FBXL7: variants seen among roughly 807,000 people sequenced by gnomAD.
The protein encoded by FBXL7 is F-box/LRR-repeat protein 7.
In FBXL7, 12 loss-of-function variants were observed where a neutral mutation model predicts 38.3. The ratio of observed to expected loss-of-function variants is 0.31; its 90% CI spans 0.20 to 0.51. FBXL7 has a LOEUF of 0.51. FBXL7 is among the 20% of genes least tolerant of loss of function. FBXL7 has a pLI of 0.98. For missense variants in FBXL7, 567 were observed against 676.4 expected, an observed-to-expected ratio of 0.84 and a Z score of 1.79; for synonymous variants, 297 against 300.9, an observed-to-expected ratio of 0.99 and a Z score of 0.13.
chr5:15,704,126 G>C (rs1024104586), intron 2 of FBXL7, among the ~76,000 whole-genome samples: 8 of 152,192 alleles, frequency 5.3e-5, no homozygotes, highest in Non-Finnish European at 1.0e-4. Context: ...GTGCTGAGAA[G>C]GAGGAGGGTG....
In FBXL7 at chr5:15,938,873, G is replaced by T. The variant is rs1212959867; in HGVS notation, c.*1687G>T. 5.0e-6 allele frequency: 2 copies of T among 397,584 alleles called. No homozygotes were observed. Among genetic ancestry groups the T allele is most frequent in the African/African-American group, 4.1e-5 (2 of 48,574 alleles). The allele number at this position is 397,584 out of a possible 1,614,324, so 24.6% of individuals were successfully genotyped here. The stretch of plus-strand genomic sequence containing the variant: ...CTTGTCTTTTGCTAATAAACACATG[G>T]CCCTTTCCCAGATTATTCTCTAGCC... On this transcript the variant is annotated 3_prime_UTR_variant, in exon 4 of 4. Transcript: ENST00000504595.
chr5:15,847,858 G>A (rs12522593), intron 2 of FBXL7, among the ~76,000 whole-genome samples: 33,255 of 151,966 alleles, frequency 0.22, 4,180 homozygotes, highest in African/African-American at 0.35. Flanking sequence ...AGAGCCACCC[G>A]CAGTGGGCAG....
At chr5:15,872,641 C>A (rs536790025) in intron 2 of FBXL7, among the ~76,000 whole-genome samples, 2 of 152,240 alleles carry the variant, frequency 1.3e-5, no homozygotes, top group African/African-American at 4.8e-5. Context: ...ATCCTAGTCT[C>A]TGATAAAACA....
chr5:15,616,252 A>G (rs80219427), intron 2 of FBXL7, among the ~76,000 whole-genome samples, 180 bp downstream of exon 2: 50 of 152,298 alleles, frequency 3.3e-4, no homozygotes, highest in African/African-American at 1.1e-3. Context: ...CTGCAGTTAC[A>G]GTTCATGAAA....
At chr5:15,656,685 G>T (rs1580438487) in intron 2 of FBXL7, among the ~76,000 whole-genome samples, 4 of 151,868 alleles carry the variant, frequency 2.6e-5, no homozygotes, top group Admixed American at 2.6e-4. Flanking sequence ...ACATTGTTTT[G>T]TAAATAGTAG....
At chr5:15,894,906 A>G (rs1741046910) in intron 2 of FBXL7, among the ~76,000 whole-genome samples, 1 of 152,172 alleles carries the variant, frequency 6.6e-6, no homozygotes, top group Non-Finnish European at 1.5e-5. Flanking sequence ...TAATTTTTTA[A>G]AAGGTGATAG....
intron 2 of FBXL7, among the ~76,000 whole-genome samples, chr5:15,855,884 G>A (rs1739257386): frequency 6.6e-6 from 1 of 152,166 alleles, no homozygotes; most frequent in Admixed American, 6.5e-5. Flanking sequence ...CTGCTTTAAA[G>A]CTATAAAGAT....
intron 2 of FBXL7, among the ~76,000 whole-genome samples, chr5:15,681,216 G>T (rs746239784): frequency 4.6e-5 from 7 of 152,044 alleles, no homozygotes; most frequent in Non-Finnish European, 8.8e-5. Flanking sequence ...CTCAATGTGA[G>T]GAATTCATCC....
At chr5:15,657,171 T>G (rs917013996) in intron 2 of FBXL7, among the ~76,000 whole-genome samples, 2 of 152,142 alleles carry the variant, frequency 1.3e-5, no homozygotes, top group Non-Finnish European at 2.9e-5. Flanking sequence ...ACATATAAAT[T>G]TAATGCAGTT....
chr5:15,817,775 T>C (rs1162947061), intron 2 of FBXL7, among the ~76,000 whole-genome samples: 1 of 152,208 alleles, frequency 6.6e-6, no homozygotes, highest in Non-Finnish European at 1.5e-5. Flanking sequence ...TCCCCAGCCA[T>C]GTGGAACTGC....
chr5:15,806,492 T>G lies in FBXL7; in HGVS notation c.128-121398T>G, dbSNP rs183620171. On this transcript the variant is annotated intron_variant, in intron 2 of 3. Transcript: ENST00000504595. ...TAAAATTGTTTGCAAAATTAAGGAGTCAGAAGTGTATGGGAAGGCATTTAA... is the reference window on the plus strand; with the variant it reads ...TAAAATTGTTTGCAAAATTAAGGAGGCAGAAGTGTATGGGAAGGCATTTAA... 2.6e-5 allele frequency among the ~76,000 whole-genome samples: 4 copies of G among 151,630 alleles called. No individual in the cohort carries two copies. In the East Asian group the frequency reaches 5.8e-4, roughly 22 times the overall value.
chr5:15,520,336 G>A (rs1737063789), intron 1 of FBXL7, among the ~76,000 whole-genome samples: 1 of 152,160 alleles, frequency 6.6e-6, no homozygotes, highest in Admixed American at 6.5e-5. Flanking sequence ...TATTCAAGAT[G>A]GAGTTGCTCT....
intron 2 of FBXL7, among the ~76,000 whole-genome samples, chr5:15,789,681 G>A (rs531462968): frequency 3.9e-5 from 6 of 152,318 alleles, no homozygotes; most frequent in African/African-American, 1.4e-4. Context: ...AGACCCCAGT[G>A]TAACCCACTC....
At chr5:15,635,952 A>G (rs1461938880) in intron 2 of FBXL7, among the ~76,000 whole-genome samples, 1 of 151,798 alleles carries the variant, frequency 6.6e-6, no homozygotes. Flanking sequence ...CAGAGCAGCA[A>G]TAATCAATGT....
intron 2 of FBXL7, among the ~76,000 whole-genome samples, chr5:15,892,887 G>A (rs1259758550): frequency 6.6e-6 from 1 of 152,178 alleles, no homozygotes; most frequent in African/African-American, 2.4e-5. Context: ...GGAGGCCGAG[G>A]GGGGCGGATC....
chr5:15,871,841 G>T (rs1399731717), intron 2 of FBXL7, among the ~76,000 whole-genome samples: 2 of 152,132 alleles, frequency 1.3e-5, no homozygotes, highest in Non-Finnish European at 2.9e-5. Flanking sequence ...GGGGAGAATG[G>T]AACCAAGTTG....
intron 2 of FBXL7, among the ~76,000 whole-genome samples, chr5:15,754,539 AAAG>A (rs369602350): frequency 1.0e-3 from 152 of 152,334 alleles, no homozygotes; most frequent in African/African-American, 3.4e-3. Context: ...GATACGGGAA[AAAG>A]AAGATTTTGA....
intron 2 of FBXL7, among the ~76,000 whole-genome samples, chr5:15,889,193 G>A (rs1740803637): frequency 6.6e-6 from 1 of 152,128 alleles, no homozygotes; most frequent in African/African-American, 2.4e-5. Flanking sequence ...CCAATGCCTG[G>A]CCACAAGTTA....
intron 1 of FBXL7, among the ~76,000 whole-genome samples, chr5:15,588,799 A>G (rs1739376151): frequency 6.6e-6 from 1 of 152,242 alleles, no homozygotes; most frequent in Non-Finnish European, 1.5e-5. Flanking sequence ...ATCTGTTTCC[A>G]TGCAGGTTAT....
Sources: gnomAD v4.1 joint callset for allele counts (sites outside exome capture counted in the v4.1 genomes callset) on GRCh38, gnomAD v4.1.1 for gene constraint, MANE v1.5 for transcripts, NCBI Gene and HGNC (gene_info 2026-07-23, HGNC 2026-07-21) for gene names.